The following WWOX variants were observed in gnomAD, a reference collection of about 807,000 sequenced individuals.
The protein encoded by WWOX is WW domain-containing oxidoreductase.
WWOX carries 69 observed loss-of-function variants against 46.2 expected under a neutral mutation model. That is an observed-to-expected ratio of 1.49 (90% CI 1.23 to 1.82). WWOX has a LOEUF of 1.82. Among genes scored for constraint, WWOX ranks in the 40% most tolerant of loss-of-function variants. The pLI is 0.00. For missense variants in WWOX, 919 were observed against 542.6 expected (o/e 1.69, Z -6.89); for synonymous variants, 359 against 202.6 (o/e 1.77, Z -6.56).
chr16:78,325,389 T>C (rs1349074435), intron 5 of WWOX, among the ~76,000 whole-genome samples: 1 of 152,226 alleles, frequency 6.6e-6, no homozygotes, highest in Non-Finnish European at 1.5e-5. Context: ...AATTGTTCTA[T>C]TGCAGTATTT....
rs547647082 is a variant in WWOX, at chr16:78,930,345, A to G, written c.1057-281263A>G. ...CAGACTGGAGTGCAGTGGCACATTC[A>G]TGGCTCACTGCAGCCTCAACCTCCT... On this transcript the variant is annotated intron_variant, in intron 8 of 8. Coordinates refer to ENST00000566780, the MANE Select transcript of WWOX (RefSeq NM_016373.4). Among the ~76,000 whole-genome samples the G allele has an allele frequency of 1.6e-4, 23 of 144,358 alleles. No individual in the cohort carries two copies. The East Asian group carries it at 3.9e-3, about 24-fold the overall frequency. 94.7% of individuals were successfully genotyped at this position (144,358 alleles called of 152,430 possible).
intron 8 of WWOX, among the ~76,000 whole-genome samples, chr16:78,602,202 G>A (rs141668016): frequency 0.016 from 2,450 of 152,132 alleles, 50 homozygotes; most frequent in East Asian, 0.069. Context: ...TTTCCCATTC[G>A]TATTTTATTC....
intron 8 of WWOX, chr16:78,890,454 C>G (rs1038705677): frequency 1.3e-5 from 2 of 151,692 alleles, no homozygotes; most frequent in Non-Finnish European, 2.9e-5. Flanking sequence ...GACTGTTCCC[C>G]CAGCCCCAGT....
chr16:78,279,964 C>G (rs2079646457), intron 5 of WWOX, among the ~76,000 whole-genome samples: 1 of 152,180 alleles, frequency 6.6e-6, no homozygotes, highest in Admixed American at 6.5e-5. Flanking sequence ...CAGGAAACCA[C>G]AGATGAATCA....
intron 8 of WWOX, among the ~76,000 whole-genome samples, chr16:78,976,371 C>A (rs1193670539): frequency 6.6e-6 from 1 of 152,178 alleles, no homozygotes; most frequent in Non-Finnish European, 1.5e-5. Flanking sequence ...TCGCTCACTC[C>A]CAGCACTCAG....
At chr16:79,041,092 T>G (rs79658619) in intron 8 of WWOX, among the ~76,000 whole-genome samples, 11,050 of 152,026 alleles carry the variant, frequency 0.073, 508 homozygotes, top group African/African-American at 0.14. Flanking sequence ...CTAATACATG[T>G]AATTCATTAC....
chr16:78,203,540 A>G (rs2036297624), intron 5 of WWOX, among the ~76,000 whole-genome samples: 1 of 152,216 alleles, frequency 6.6e-6, no homozygotes, highest in Non-Finnish European at 1.5e-5. Context: ...AATAAAACAT[A>G]TTCAATAATA....
intron 8 of WWOX, among the ~76,000 whole-genome samples, chr16:78,712,448 G>C (rs1047921950): frequency 1.3e-5 from 2 of 151,712 alleles, no homozygotes; most frequent in African/African-American, 4.8e-5. Context: ...GTTGCAGTCA[G>C]CCGAGATTAT....
chr16:78,702,398 C>T (rs973498875), intron 8 of WWOX, among the ~76,000 whole-genome samples: 2 of 151,816 alleles, frequency 1.3e-5, no homozygotes, highest in African/African-American at 4.8e-5. Flanking sequence ...GCCTGTAATT[C>T]CCAGTACTTT....
chr16:78,183,407 T>A (rs2035594541), intron 5 of WWOX, among the ~76,000 whole-genome samples: 1 of 152,174 alleles, frequency 6.6e-6, no homozygotes, highest in African/African-American at 2.4e-5. Flanking sequence ...TGAAAGGTTT[T>A]CTTTGACTTT....
intron 8 of WWOX, among the ~76,000 whole-genome samples, chr16:78,948,964 C>T (rs2046003967): frequency 6.6e-6 from 1 of 152,102 alleles, no homozygotes; most frequent in African/African-American, 2.4e-5. Flanking sequence ...AAGGATTTCA[C>T]GTACTGCCAC....
At chr16:78,713,273 CAAAAAAAAAAA>C (rs5818165) in intron 8 of WWOX, among the ~76,000 whole-genome samples, 15 of 17,044 alleles carry the variant, frequency 8.8e-4, no homozygotes, top group Admixed American at 6.2e-3. Flanking sequence ...GACTCTGTCT[CAAAAAAAAAAA>C]AAAAAAAAAA....
At chr16:79,084,938 A>C (rs1238307015) in intron 8 of WWOX, among the ~76,000 whole-genome samples, 1 of 152,040 alleles carries the variant, frequency 6.6e-6, no homozygotes, top group Non-Finnish European at 1.5e-5. Flanking sequence ...TAATTTTGCA[A>C]TCAAAATACA....
chr16:78,656,711 A>C (rs772305055), intron 8 of WWOX, among the ~76,000 whole-genome samples: 1 of 152,180 alleles, frequency 6.6e-6, no homozygotes, highest in East Asian at 1.9e-4. Flanking sequence ...TCCCAACCAT[A>C]TCGGCACCCA....
At chr16:79,201,084 A>T (rs570746608) in intron 8 of WWOX, among the ~76,000 whole-genome samples, 4 of 152,278 alleles carry the variant, frequency 2.6e-5, no homozygotes, top group African/African-American at 9.6e-5. Flanking sequence ...GACTTTCCAG[A>T]TGAGGAGACT....
At chr16:78,899,754 A>G (rs2044782552) in intron 8 of WWOX, 1 of 152,220 alleles carries the variant, frequency 6.6e-6, no homozygotes, top group African/African-American at 2.4e-5. Context: ...TGATCCCTGA[A>G]GAATTGTGTG....
intron 5 of WWOX, among the ~76,000 whole-genome samples, chr16:78,258,584 A>C (rs193037358): frequency 9.3e-4 from 142 of 152,192 alleles, no homozygotes; most frequent in Non-Finnish European, 1.8e-3. Context: ...TCCTAGGAAC[A>C]GCCTAGAAGG....
At chr16:78,461,382 C>G (rs531131239) in intron 8 of WWOX, among the ~76,000 whole-genome samples, 11 of 151,994 alleles carry the variant, frequency 7.2e-5, no homozygotes, top group African/African-American at 2.2e-4. Flanking sequence ...AACAAACAAA[C>G]AAACAAAAAA....
At chr16:79,154,343 C>G (rs2050339075) in intron 8 of WWOX, among the ~76,000 whole-genome samples, 1 of 152,178 alleles carries the variant, frequency 6.6e-6, no homozygotes, top group Non-Finnish European at 1.5e-5. Context: ...ATTGCCTGTC[C>G]TAGACACCAG....
Sources: gnomAD v4.1 joint callset for allele counts (sites outside exome capture counted in the v4.1 genomes callset) on GRCh38, gnomAD v4.1.1 for gene constraint, MANE v1.5 for transcripts, NCBI Gene and HGNC (gene_info 2026-07-23, HGNC 2026-07-21) for gene names.